Variants in POLQ observed in about 807,000 individuals in gnomAD.
POLQ encodes the protein DNA polymerase theta.
In POLQ, 233 loss-of-function variants were observed where a neutral mutation model predicts 259.2. The observed-to-expected ratio is 0.90, with a 90% CI of 0.81 to 1.00. POLQ has a LOEUF of 1.00. POLQ is among the 50% of genes least tolerant of loss of function. The pLI, the probability that POLQ is intolerant of heterozygous loss-of-function variation, is 0.00. For synonymous variants in POLQ, 1,025 were observed against 1,048.8 expected, an observed-to-expected ratio of 0.98 and a Z score of 0.44; for missense variants, 2,871 against 3,051.6, an observed-to-expected ratio of 0.94 and a Z score of 1.39.
chr3:121,464,233 A>C (rs964359252), intron 24 of POLQ, among the ~76,000 whole-genome samples: 1 of 152,194 alleles, frequency 6.6e-6, no homozygotes, highest in Non-Finnish European at 1.5e-5. Flanking sequence ...TTCATAAAAC[A>C]AATTAATAAT....
At chr3:121,509,793 C>T (rs2048238242) in intron 11 of POLQ, 90 bp from the exon 12 acceptor site, 10 of 1,293,000 alleles carry the variant, frequency 7.7e-6, no homozygotes, top group Admixed American at 2.2e-5. Flanking sequence ...CATGCTAACC[C>T]TCCCGGCTGA....
At chr3:121,530,643 C>G (rs1264011691) in intron 6 of POLQ, among the ~76,000 whole-genome samples, 4 of 152,142 alleles carry the variant, frequency 2.6e-5, no homozygotes, top group Non-Finnish European at 5.9e-5. Flanking sequence ...AAAGGCAACA[C>G]ATTTCAAATG....
chr3:121,449,651 T>A (rs1317957948), intron 25 of POLQ, among the ~76,000 whole-genome samples: 1 of 152,192 alleles, frequency 6.6e-6, no homozygotes, highest in Non-Finnish European at 1.5e-5. Flanking sequence ...GGAGGGAGTA[T>A]GAATGAATAG....
Position 121,472,261 on chromosome 3 carries a change from T to A in POLQ, c.6544-97A>T, listed in dbSNP as rs181601476. 310 of 557,346 alleles carry A rather than the reference T, an allele frequency of 5.6e-4. 1 individual carries two copies. The highest frequency in any genetic ancestry group is 5.0e-3 in the African/African-American group (268 of 53,584). The allele number at this position is 557,346 out of a possible 1,614,324, so 34.5% of individuals were successfully genotyped here. On this transcript the variant is annotated intron_variant, in intron 21 of 29. Coordinates refer to ENST00000264233, the MANE Select transcript of POLQ (RefSeq NM_199420.4). ...AAATAATACAGTCTCAAAATTAAAT[T>A]TGAGAGTAATATCGACAACTCAAAA...
rs1218952691 is a variant in POLQ, at chr3:121,511,923, T to C, written c.1575A>G (p.Glu525=). ...CTCGTATCATGCTGCCAGTTACTTCTTCTCCTTCTCGTCTTTGCAGACAGC... is the reference window on the plus strand; with the variant it reads ...CTCGTATCATGCTGCCAGTTACTTCCTCTCCTTCTCGTCTTTGCAGACAGC... ...VRSCLQRREG[E]EVTGSMIRAI... Residue 525 remains glutamate, a synonymous_variant, in exon 10 of 30, where the codon GAA becomes GAG. Transcript: ENST00000264233. 6.2e-7 allele frequency: 1 copy of C among 1,614,080 alleles called. No individual in the cohort carries two copies. The highest frequency in any genetic ancestry group is 1.1e-5 in the South Asian group (1 of 91,058).
rs2108808662 is a variant in POLQ at position 121,511,932 on chromosome 3, T to G, written c.1566A>C (p.Arg522=). ...LKPVRSCLQR[R]EGEEVTGSMI... ...TGCTGCCAGTTACTTCTTCTCCTTCTCGTCTTTGCAGACAGCTGCGAACAG... is the reference window on the plus strand; with the variant it reads ...TGCTGCCAGTTACTTCTTCTCCTTCGCGTCTTTGCAGACAGCTGCGAACAG... The change falls in exon 10 of 30, where the codon CGA becomes CGC. Residue 522 remains arginine, a synonymous_variant. Transcript: ENST00000264233. The G allele has an allele frequency of 6.2e-7, 1 of 1,614,026 alleles. No individual in the cohort carries two copies. The highest frequency in any genetic ancestry group is 8.5e-7 in the Non-Finnish European group (1 of 1,179,874).
At position 121,506,184 on chromosome 3, in the gene POLQ, G is replaced by A. The variant is rs561401908; in HGVS notation, c.1959+3377C>T. ...AAACATACAATAAGCAAAGTCAAAA[G>A]ACAAGTGAAAAATCAAGAGGAAAAT... On this transcript the variant is annotated intron_variant, in intron 12 of 29. Transcript: ENST00000264233. Among the ~76,000 whole-genome samples the A allele has an allele frequency of 2.0e-5, 3 of 151,896 alleles. 1 individual carries two copies. Among genetic ancestry groups the A allele is most frequent in the South Asian group, 4.2e-4 (2 of 4,806 alleles).
intron 19 of POLQ, among the ~76,000 whole-genome samples, chr3:121,479,759 T>C (rs2047956567): frequency 6.6e-6 from 1 of 152,122 alleles, no homozygotes; most frequent in Non-Finnish European, 1.5e-5. Context: ...GGCTGCCTTA[T>C]ATTCTTAAGT....
At position 121,471,049 on chromosome 3, in the gene POLQ, T is replaced by A. The variant is rs1418492889; in HGVS notation, c.6718+941A>T. ...TGATTTCTGATGTCAAAGCCCACAT[T>A]CTATACCACCAATCTAAACTGCCTG... On this transcript the variant is annotated intron_variant, in intron 22 of 29. Coordinates refer to ENST00000264233, the MANE Select transcript of POLQ (RefSeq NM_199420.4). Among the ~76,000 whole-genome samples, 11 of 152,212 alleles carry A rather than the reference T, an allele frequency of 7.2e-5. No homozygotes were observed. The South Asian group carries it at 1.9e-3, about 26-fold the overall frequency.
chr3:121,492,983 A>G (rs1234963173), intron 15 of POLQ, among the ~76,000 whole-genome samples: 1 of 151,954 alleles, frequency 6.6e-6, no homozygotes, highest in Non-Finnish European at 1.5e-5. Context: ...TAAGTCATGT[A>G]TTATTTTTTA....
At chr3:121,462,753 C>A (rs1429026611) in intron 24 of POLQ, among the ~76,000 whole-genome samples, 3 of 152,130 alleles carry the variant, frequency 2.0e-5, no homozygotes, top group African/African-American at 7.2e-5. Context: ...AACTTTAGCA[C>A]CAAGTAGACT....
intron 16 of POLQ, among the ~76,000 whole-genome samples, chr3:121,486,554 A>T (rs570825666): frequency 3.8e-4 from 58 of 151,030 alleles, no homozygotes; most frequent in Middle Eastern, 3.5e-3. Flanking sequence ...TCTGTCTAAA[A>T]AATAATAATA....
intron 22 of POLQ, among the ~76,000 whole-genome samples, chr3:121,469,114 G>A (rs1188891337): frequency 6.6e-6 from 1 of 151,216 alleles, no homozygotes; most frequent in Non-Finnish European, 1.5e-5. Flanking sequence ...CTTGAACCTG[G>A]GAGGCGGAGG....
intron 7 of POLQ, among the ~76,000 whole-genome samples, chr3:121,528,344 ATTT>A (rs369377736): frequency 7.2e-6 from 1 of 138,188 alleles, no homozygotes. Flanking sequence ...GGAAATTTTA[ATTT>A]TTTTTTTTTT....
Position 121,518,759 on chromosome 3 carries a change from G to GT in POLQ, c.1468+1111dup, listed in dbSNP as rs34676502. On this transcript the variant is annotated intron_variant, in intron 9 of 29. Coordinates refer to ENST00000264233, the MANE Select transcript of POLQ (RefSeq NM_199420.4). Reference sequence around the variant, plus strand: ...AGCCACAGAACTGTTTGCCTGTTTTGTTTTTTTTTGACATATCTAATAAAA... The same window carrying GT: ...AGCCACAGAACTGTTTGCCTGTTTTGTTTTTTTTTTGACATATCTAATAAAA... Among the ~76,000 whole-genome samples the GT allele has an allele frequency of 9.9e-3, 1,483 of 150,122 alleles. 15 individuals carry two copies. Among genetic ancestry groups the GT allele is most frequent in the African/African-American group, 0.024 (995 of 40,938 alleles).
At chr3:121,498,109 A>G in intron 13 of POLQ, among the ~76,000 whole-genome samples, 1 of 152,192 alleles carries the variant, frequency 6.6e-6, no homozygotes, top group South Asian at 2.1e-4. Flanking sequence ...TCAGGAGTTT[A>G]AGACCAGCCT....
intron 25 of POLQ, among the ~76,000 whole-genome samples, chr3:121,458,587 G>C (rs965051398): frequency 2.6e-5 from 4 of 152,100 alleles, no homozygotes; most frequent in African/African-American, 7.2e-5. Context: ...TTAAATATGG[G>C]AATATTATCT....
At position 121,468,057 on chromosome 3, in the gene POLQ, C is replaced by A. The variant is rs552781322; in HGVS notation, c.6845+248G>T. ...CAAAAAAACAAACAAACAAAGAAAA[C>A]CAAATCTTTATCTGAGACTCACTTT... On this transcript the variant is annotated intron_variant, in intron 23 of 29. Transcript: ENST00000264233. 1.3e-5 allele frequency among the ~76,000 whole-genome samples: 2 copies of A among 152,192 alleles called. 1 individual carries two copies. Among genetic ancestry groups the A allele is most frequent in the East Asian group, 3.9e-4 (2 of 5,178 alleles).
At chr3:121,501,661 CAAAAAAAAAAAAAAAAA>C (rs60180456) in intron 12 of POLQ, among the ~76,000 whole-genome samples, 1 of 39,914 alleles carries the variant, frequency 2.5e-5, no homozygotes, top group Non-Finnish European at 4.0e-5. Flanking sequence ...GACTCCGTCT[CAAAAAAAAAAAAAAAAA>C]AAAAAAAAAA....
Sources: allele counts gnomAD v4.1 joint callset (sites outside exome capture counted in the v4.1 genomes callset), GRCh38; gene constraint gnomAD v4.1.1; transcripts MANE v1.5; gene names NCBI Gene and HGNC (gene_info 2026-07-23, HGNC 2026-07-21).